Variants in ARHGAP26 observed in about 807,000 individuals in gnomAD.
ARHGAP26 encodes the protein Rho GTPase activating protein 26, also known as rho GTPase-activating protein 26.
A neutral mutation model predicts 104.8 loss-of-function variants in ARHGAP26; 38 were observed. That is an observed-to-expected ratio of 0.36 (90% CI 0.28 to 0.48). The LOEUF (loss-of-function observed/expected upper bound fraction) is 0.48, where lower values mean the gene tolerates loss of function less well. Among genes scored for constraint, ARHGAP26 ranks in the 20% least tolerant of loss-of-function variants. ARHGAP26 has a pLI of 0.99. For synonymous variants in ARHGAP26, 341 were observed against 340.0 expected, an observed-to-expected ratio of 1.00 and a Z score of -0.03; for missense variants, 704 against 947.9, an observed-to-expected ratio of 0.74 and a Z score of 3.38.
intron 20 of ARHGAP26, chr5:143,172,910 G>A (rs547380185): frequency 1.1e-5 from 2 of 176,408 alleles, no homozygotes; most frequent in East Asian, 9.6e-5. Context: ...AGATGCCAGA[G>A]GCATAGATCA....
chr5:143,178,486 C>G (rs1050905030), intron 20 of ARHGAP26, among the ~76,000 whole-genome samples: 1 of 152,208 alleles, frequency 6.6e-6, no homozygotes, highest in Non-Finnish European at 1.5e-5. Flanking sequence ...ATTTGCTTCC[C>G]CTACCTACAC....
intron 11 of ARHGAP26, among the ~76,000 whole-genome samples, chr5:142,981,153 C>T (rs1773887071): frequency 6.6e-6 from 1 of 152,226 alleles, no homozygotes; most frequent in Non-Finnish European, 1.5e-5. Flanking sequence ...CTGCATGTGG[C>T]AGCAGTATCA....
At chr5:142,970,506 C>G (rs555085588) in intron 11 of ARHGAP26, among the ~76,000 whole-genome samples, 31 of 152,218 alleles carry the variant, frequency 2.0e-4, no homozygotes, top group Non-Finnish European at 3.2e-4. Context: ...CCTCATATCA[C>G]CCTTAACAGT....
intron 11 of ARHGAP26, among the ~76,000 whole-genome samples, chr5:142,986,853 A>C (rs1283109396): frequency 6.6e-6 from 1 of 152,000 alleles, no homozygotes; most frequent in African/African-American, 2.4e-5. Flanking sequence ...TGTTCTGTTC[A>C]ATTGGTCTGT....
chr5:142,955,282 C>T (rs960014837), intron 11 of ARHGAP26, among the ~76,000 whole-genome samples: 2 of 151,978 alleles, frequency 1.3e-5, no homozygotes, highest in Admixed American at 1.3e-4. Flanking sequence ...GACTGGGCGA[C>T]AGAGTGAGAC....
intron 1 of ARHGAP26, among the ~76,000 whole-genome samples, chr5:142,812,282 C>T (rs1764237222): frequency 6.6e-6 from 1 of 152,060 alleles, no homozygotes; most frequent in African/African-American, 2.4e-5. Context: ...GAGCTGGGGT[C>T]TCACTCTTTT....
chr5:143,110,841 G>A (rs1255605071), intron 17 of ARHGAP26, among the ~76,000 whole-genome samples: 1 of 152,186 alleles, frequency 6.6e-6, no homozygotes, highest in Admixed American at 6.5e-5. Context: ...CCTGTGGACT[G>A]GGACCAAGAA....
At chr5:142,964,821 G>A (rs980704222) in intron 11 of ARHGAP26, among the ~76,000 whole-genome samples, 6 of 152,162 alleles carry the variant, frequency 3.9e-5, no homozygotes, top group East Asian at 1.9e-4. Flanking sequence ...GTGCGGCGAC[G>A]AGAGAGTGTA....
At chr5:143,166,472 G>A (rs1201753132) in intron 20 of ARHGAP26, among the ~76,000 whole-genome samples, 1 of 152,144 alleles carries the variant, frequency 6.6e-6, no homozygotes, top group African/African-American at 2.4e-5. Context: ...TGGTGTGTTG[G>A]CCTCTCTACA....
chr5:142,905,693 T>G (rs1463279744), intron 8 of ARHGAP26, among the ~76,000 whole-genome samples: 1 of 152,252 alleles, frequency 6.6e-6, no homozygotes, highest in Non-Finnish European at 1.5e-5. Context: ...ATTCTTTTTA[T>G]GTAAACACAT....
intron 3 of ARHGAP26, among the ~76,000 whole-genome samples, chr5:142,876,071 A>T (rs1756042512): frequency 6.6e-6 from 1 of 152,206 alleles, no homozygotes; most frequent in Non-Finnish European, 1.5e-5. Flanking sequence ...GCATTAGCAG[A>T]TAAGAGATTC....
intron 17 of ARHGAP26, chr5:143,103,170 T>C (rs1793502383): frequency 2.2e-6 from 2 of 922,090 alleles, no homozygotes; most frequent in African/African-American, 3.6e-5. Flanking sequence ...ACCTGTTCTT[T>C]TGATTTGCTT....
intron 11 of ARHGAP26, among the ~76,000 whole-genome samples, chr5:142,954,994 C>G (rs1768988754): frequency 6.6e-6 from 1 of 152,082 alleles, no homozygotes; most frequent in Non-Finnish European, 1.5e-5. Context: ...AAAATGCATT[C>G]TGGGCTGGGT....
rs989763165 is a variant in ARHGAP26, at chr5:142,845,652, C to T, written c.155-27748C>T. ...TCTGTGTGTACTGTTTATGTACAGA[C>T]ACATATCAGCTTCTCAGTACTAAAA... On this transcript the variant is annotated intron_variant, in intron 1 of 22. Transcript: ENST00000645722. Among the ~76,000 whole-genome samples the T allele has an allele frequency of 2.0e-5, 3 of 152,188 alleles. No individual in the cohort carries two copies. The East Asian group carries it at 5.8e-4, about 29-fold the overall frequency.
At chr5:142,900,829 A>T (rs1171153943) in intron 6 of ARHGAP26, among the ~76,000 whole-genome samples, 1 of 152,156 alleles carries the variant, frequency 6.6e-6, no homozygotes, top group Non-Finnish European at 1.5e-5. Flanking sequence ...TGTGTCTTGG[A>T]ATAAGGTGGT....
intron 1 of ARHGAP26, among the ~76,000 whole-genome samples, chr5:142,827,339 G>C (rs1030295729): frequency 5.9e-5 from 9 of 152,182 alleles, no homozygotes; most frequent in African/African-American, 2.4e-5. Context: ...CTGAACGTGG[G>C]CTCAGGTCCT....
intron 11 of ARHGAP26, among the ~76,000 whole-genome samples, chr5:143,004,523 G>T (rs976885436): frequency 6.6e-6 from 1 of 152,170 alleles, no homozygotes; most frequent in Non-Finnish European, 1.5e-5. Context: ...ACAGAAGGGG[G>T]CTTAGGTCTG....
intron 11 of ARHGAP26, among the ~76,000 whole-genome samples, chr5:143,012,036 A>G (rs1196620931): frequency 6.6e-6 from 1 of 152,238 alleles, no homozygotes; most frequent in Non-Finnish European, 1.5e-5. Context: ...AAGTTCAGCA[A>G]GATGAAGTTA....
chr5:142,785,198 G>A (rs78058122), intron 1 of ARHGAP26, among the ~76,000 whole-genome samples: 2,884 of 152,176 alleles, frequency 0.019, 73 homozygotes, highest in African/African-American at 0.059. Context: ...CCAAAGTGCC[G>A]GGATTCCTTA....
Sources: allele counts gnomAD v4.1 joint callset (sites outside exome capture counted in the v4.1 genomes callset), GRCh38; gene constraint gnomAD v4.1.1; transcripts MANE v1.5; gene names NCBI Gene and HGNC (gene_info 2026-07-23, HGNC 2026-07-21).